CYP2C18: variants seen among roughly 807,000 people sequenced by gnomAD.
The protein encoded by CYP2C18 is cytochrome P450 2C18.
In CYP2C18, 38 loss-of-function variants were observed where a neutral mutation model predicts 41.3. The ratio of observed to expected loss-of-function variants is 0.92; its 90% CI spans 0.71 to 1.21. The LOEUF (loss-of-function observed/expected upper bound fraction) is 1.21. Ranked by LOEUF, CYP2C18 falls within the 50% of genes most tolerant of loss-of-function variation. The pLI is 0.00. For synonymous variants in CYP2C18, 236 were observed against 210.0 expected (o/e 1.12, Z -1.07); for missense variants, 635 against 591.4 (o/e 1.07, Z -0.77).
At chr10:94,718,217 G>A (rs939307491) in intron 5 of CYP2C18, among the ~76,000 whole-genome samples, 12 of 151,686 alleles carry the variant, frequency 7.9e-5, no homozygotes, top group Non-Finnish European at 1.2e-4. Flanking sequence ...TTGTAAATGG[G>A]TTTATTTTTA....
At chr10:94,697,815 G>A (rs938794224) in intron 4 of CYP2C18, among the ~76,000 whole-genome samples, 3 of 152,020 alleles carry the variant, frequency 2.0e-5, no homozygotes, top group African/African-American at 7.2e-5. Context: ...AACAAGGAAA[G>A]GCAGGGGTTG....
intron 1 of CYP2C18, among the ~76,000 whole-genome samples, chr10:94,685,829 T>C (rs1178968658): frequency 6.6e-6 from 1 of 152,218 alleles, no homozygotes; most frequent in East Asian, 1.9e-4. Flanking sequence ...AGTGGTGTGA[T>C]GCCTCCAGCT....
intron 3 of CYP2C18, among the ~76,000 whole-genome samples, chr10:94,694,480 A>G (rs185295311): frequency 3.7e-4 from 57 of 152,220 alleles, no homozygotes; most frequent in Non-Finnish European, 5.9e-4. Flanking sequence ...TACTTTAACT[A>G]CTCGTTATAT....
chr10:94,700,685 C>T (rs1434969576), intron 4 of CYP2C18, among the ~76,000 whole-genome samples: 5 of 152,158 alleles, frequency 3.3e-5, no homozygotes, highest in Non-Finnish European at 7.4e-5. Flanking sequence ...AGTGAACAGG[C>T]AACCTACAGA....
intron 8 of CYP2C18, among the ~76,000 whole-genome samples, chr10:94,734,755 C>A (rs577656455): frequency 6.6e-6 from 1 of 152,196 alleles, no homozygotes; most frequent in African/African-American, 2.4e-5. Context: ...TCAGGTCAAG[C>A]CATTTGGCCT....
chr10:94,695,002 T>C lies in CYP2C18; in HGVS notation c.567T>C (p.Tyr189=), dbSNP rs374650806. Residue 189 remains tyrosine (Y), a synonymous_variant, in exon 4 of 9, where the codon TAT becomes TAC. Transcript: ENST00000285979. ...TTATTTTCCATGATCGATTTGATTA[T>C]AAAGATCAGAGGTTTCTTAACTTGA... ...CSVIFHDRFD[Y]KDQRFLNLME... 1.2e-6 allele frequency: 2 copies of C among 1,613,308 alleles called. No individual in the cohort carries two copies. The highest frequency in any genetic ancestry group is 1.7e-6 in the Non-Finnish European group (2 of 1,179,848).
intron 7 of CYP2C18, among the ~76,000 whole-genome samples, chr10:94,724,819 T>C (rs1254791554): frequency 6.6e-6 from 1 of 152,050 alleles, no homozygotes; most frequent in Non-Finnish European, 1.5e-5. Context: ...GAAAGTATCA[T>C]TTTGTCAATT....
At chr10:94,723,072 G>A (rs1232161452) in intron 6 of CYP2C18, among the ~76,000 whole-genome samples, 6 of 152,148 alleles carry the variant, frequency 3.9e-5, no homozygotes, top group Non-Finnish European at 7.4e-5. Context: ...GGTCACCTGT[G>A]AAGGATCAGG....
At chr10:94,705,288 A>C (rs555958327) in intron 4 of CYP2C18, among the ~76,000 whole-genome samples, 5 of 152,326 alleles carry the variant, frequency 3.3e-5, no homozygotes, top group African/African-American at 1.2e-4. Context: ...ACATGTTCTC[A>C]TTCATAAGTG....
At chr10:94,724,255 A>AC in intron 6 of CYP2C18, 91 bp from the exon 7 acceptor site, 1 of 1,262,384 alleles carries the variant, frequency 7.9e-7, no homozygotes, top group Non-Finnish European at 1.2e-6. Flanking sequence ...TGATGTTGGG[A>AC]CCCCTTCCTT....
intron 5 of CYP2C18, 53 bp downstream of exon 5, chr10:94,707,013 A>G: frequency 6.6e-7 from 1 of 1,506,584 alleles, no homozygotes; most frequent in Non-Finnish European, 9.1e-7. Flanking sequence ...TAGTTCTATA[A>G]CGATTGCTTA....
intron 1 of CYP2C18, among the ~76,000 whole-genome samples, chr10:94,686,992 A>C (rs115110027): frequency 2.6e-3 from 393 of 152,314 alleles, no homozygotes; most frequent in African/African-American, 9.1e-3. Context: ...GCCTGATGTC[A>C]AAGAAATATC....
chr10:94,694,101 G>A (rs796255463), intron 3 of CYP2C18, among the ~76,000 whole-genome samples: 17 of 152,202 alleles, frequency 1.1e-4, no homozygotes, highest in African/African-American at 3.4e-4. Context: ...AACAATAACC[G>A]AGGATTCTAT....
intron 7 of CYP2C18, 33 bp from the exon 8 acceptor site, chr10:94,733,264 T>C: frequency 6.2e-7 from 1 of 1,602,298 alleles, no homozygotes; most frequent in Non-Finnish European, 8.5e-7. Context: ...TTGACTTCTT[T>C]ATAACTTAGT....
rs117601208 is a variant in CYP2C18 at position 94,720,400 on chromosome 10, A to G, written c.824A>G (p.Lys275Arg). 3.8e-6 allele frequency: 6 copies of G among 1,598,056 alleles called. No homozygotes were observed. In the East Asian group the frequency reaches 1.3e-4, roughly 36 times the overall value. Reference sequence around the variant, plus strand: ...AATTATGAAATAATTTTTTAGGAAAAGCACAATCAACAGTCTGAATTTACT... The same window carrying G: ...AATTATGAAATAATTTTTTAGGAAAGGCACAATCAACAGTCTGAATTTACT... ...DCFLIKMEQE[K>R]HNQQSEFTVE... The change falls in exon 6 of 9, where the codon AAG becomes AGG. Residue 275 changes from lysine to arginine, a missense_variant. Transcript: ENST00000285979.
chr10:94,702,185 C>T lies in CYP2C18; in HGVS notation c.643-4599C>T, dbSNP rs118093280. On this transcript the variant is annotated intron_variant, in intron 4 of 8. Transcript: ENST00000285979. The stretch of plus-strand genomic sequence containing the variant: ...CTCAATATTTTTTCCGTCATTTCAA[C>T]CTTGGTGCATATGATGATTGTGTGT... 1.5e-3 allele frequency among the ~76,000 whole-genome samples: 235 copies of T among 152,186 alleles called. 1 individual carries two copies. The highest frequency in any genetic ancestry group is 2.7e-3 in the Non-Finnish European group (187 of 68,008).
intron 5 of CYP2C18, among the ~76,000 whole-genome samples, chr10:94,716,520 G>A (rs150773598): frequency 0.013 from 1,966 of 152,232 alleles, 20 homozygotes; most frequent in Non-Finnish European, 0.023. Context: ...TGTAGTTCTA[G>A]TTTGATTGTA....
chr10:94,726,538 G>T (rs770676100), intron 7 of CYP2C18, among the ~76,000 whole-genome samples: 32 of 152,104 alleles, frequency 2.1e-4, no homozygotes, highest in Non-Finnish European at 3.4e-4. Flanking sequence ...TTTTATGGTT[G>T]CATAGTATTC....
In CYP2C18 at chr10:94,732,636, C is replaced by T. The variant is rs527952175; in HGVS notation, c.1150-661C>T. 2.0e-5 allele frequency among the ~76,000 whole-genome samples: 3 copies of T among 152,212 alleles called. No individual in the cohort carries two copies. In the East Asian group the frequency reaches 5.8e-4, roughly 29 times the overall value. On this transcript the variant is annotated intron_variant, in intron 7 of 8. Coordinates refer to ENST00000285979, the MANE Select transcript of CYP2C18 (RefSeq NM_000772.3). ...TACAAATACACCAGGAAACCCTATG[C>T]AGCCATAAAAAAGAATGAAATCTTG...
Sources: allele counts gnomAD v4.1 joint callset (sites outside exome capture counted in the v4.1 genomes callset), GRCh38; gene constraint gnomAD v4.1.1; transcripts MANE v1.5; gene names NCBI Gene and HGNC (gene_info 2026-07-23, HGNC 2026-07-21).